Variants in GABRG3 observed in about 807,000 individuals in gnomAD.
GABRG3 encodes the protein gamma-aminobutyric acid receptor subunit gamma-3.
In GABRG3, 25 loss-of-function variants were observed where a neutral mutation model predicts 48.8. That is an observed-to-expected ratio of 0.51 (90% confidence interval 0.37 to 0.72). GABRG3 has a LOEUF of 0.72. Among genes scored for constraint, GABRG3 ranks in the 30% least tolerant of loss-of-function variants. The pLI, the probability that GABRG3 is intolerant of heterozygous loss-of-function variation, is 0.00. For synonymous variants in GABRG3, 227 were observed against 217.6 expected (o/e 1.04, Z -0.38); for missense variants, 394 against 577.9 (o/e 0.68, Z 3.26).
chr15:27,078,409 CACTT>C (rs1160017520), intron 3 of GABRG3, among the ~76,000 whole-genome samples: 2 of 152,272 alleles, frequency 1.3e-5, no homozygotes, highest in East Asian at 1.9e-4. Flanking sequence ...GGGTTTTGAT[CACTT>C]ACTTCTAACT....
intron 3 of GABRG3, among the ~76,000 whole-genome samples, chr15:27,081,666 C>T (rs1403259837): frequency 1.3e-5 from 2 of 152,110 alleles, no homozygotes; most frequent in Admixed American, 1.3e-4. Context: ...CTGGAGTAAA[C>T]ACTGAGTGGC....
At chr15:27,308,542 ATAAT>A (rs954436154) in intron 3 of GABRG3, among the ~76,000 whole-genome samples, 5 of 148,586 alleles carry the variant, frequency 3.4e-5, no homozygotes, top group East Asian at 2.1e-4. Flanking sequence ...ATAAACATAT[ATAAT>A]GTAAACATAC....
At chr15:27,504,311 A>G (rs1365391777) in intron 6 of GABRG3, among the ~76,000 whole-genome samples, 6 of 150,624 alleles carry the variant, frequency 4.0e-5, no homozygotes, top group Admixed American at 1.3e-4. Flanking sequence ...ACCTTCTTTC[A>G]TATTGATTGA....
chr15:27,334,399 A>G (rs1356462728), intron 5 of GABRG3, among the ~76,000 whole-genome samples: 1 of 152,206 alleles, frequency 6.6e-6, no homozygotes, highest in Non-Finnish European at 1.5e-5. Context: ...AAAATTATAT[A>G]TGCAAAATAA....
intron 3 of GABRG3, among the ~76,000 whole-genome samples, chr15:27,145,603 C>CTCTATCTATCTATCTATCTATTA (rs1898186444): frequency 9.8e-6 from 1 of 102,298 alleles, no homozygotes; most frequent in Non-Finnish European, 2.2e-5. Context: ...ATATATCTAT[C>CTCTATCTATCTATCTATCTATTA]TCTATCTATC....
chr15:27,089,685 G>A (rs529138339), intron 3 of GABRG3, among the ~76,000 whole-genome samples: 2 of 152,308 alleles, frequency 1.3e-5, no homozygotes, highest in Middle Eastern at 3.4e-3. Flanking sequence ...CAGGAAGGCT[G>A]TGGTCATGCG....
chr15:27,436,669 A>G (rs1245051946), intron 5 of GABRG3, among the ~76,000 whole-genome samples: 1 of 152,142 alleles, frequency 6.6e-6, no homozygotes, highest in Non-Finnish European at 1.5e-5. Context: ...TAATGTGACA[A>G]TTGTCCACAC....
chr15:27,029,993 A>C (rs771577600), intron 3 of GABRG3, among the ~76,000 whole-genome samples: 5 of 152,268 alleles, frequency 3.3e-5, no homozygotes, highest in Non-Finnish European at 7.3e-5. Flanking sequence ...AAGGGCTTAA[A>C]AATGAAACAC....
In GABRG3 at chr15:27,180,993, G is replaced by A. The variant is rs538896674; in HGVS notation, c.271-145816G>A. Among the ~76,000 whole-genome samples, 83 of 152,238 alleles carry A rather than the reference G, an allele frequency of 5.5e-4. No individual in the cohort carries two copies. The highest frequency in any genetic ancestry group is 1.9e-3 in the African/African-American group (78 of 41,556). The stretch of plus-strand genomic sequence containing the variant: ...ATTGTGCTGACTTCTTAGGAGGGCC[G>A]TAGTTCACAACTTCATGAGATGGCA... On this transcript the variant is annotated intron_variant, in intron 3 of 9. Coordinates refer to ENST00000615808, the MANE Select transcript of GABRG3 (RefSeq NM_033223.5). The surrounding 1 kb of genome is among the most constrained non-coding windows in gnomAD (Gnocchi z 4.2).
intron 2 of GABRG3, among the ~76,000 whole-genome samples, chr15:26,997,120 T>A (rs1394692589): frequency 6.6e-6 from 1 of 152,218 alleles, no homozygotes; most frequent in African/African-American, 2.4e-5. Context: ...TCCTGTGAAT[T>A]TTTCATTTTG....
chr15:27,443,429 C>T (rs1268097148), intron 5 of GABRG3, among the ~76,000 whole-genome samples: 4 of 152,116 alleles, frequency 2.6e-5, no homozygotes, highest in Non-Finnish European at 5.9e-5. Context: ...TAAAATTATC[C>T]ATAAAATTTT....
intron 3 of GABRG3, among the ~76,000 whole-genome samples, chr15:27,132,727 A>G (rs1309644520): frequency 2.6e-5 from 4 of 151,120 alleles, no homozygotes; most frequent in African/African-American, 7.3e-5. Flanking sequence ...GTAAAAATTT[A>G]TCAATTTTGT....
At position 27,054,055 on chromosome 15, in the gene GABRG3, C is replaced by G. The variant is rs540139091; in HGVS notation, c.270+27234C>G. ...GGTGGATCACCTGAGGTCAGGAGTT[C>G]GAGACCAGCCTGGCTAACCTGGTGA... On this transcript the variant is annotated intron_variant, in intron 3 of 9. Coordinates refer to ENST00000615808, the MANE Select transcript of GABRG3 (RefSeq NM_033223.5). 2.3e-3 allele frequency among the ~76,000 whole-genome samples: 344 copies of G among 152,054 alleles called. 2 individuals carry two copies. The highest frequency in any genetic ancestry group is 7.5e-3 in the African/African-American group (309 of 41,456).
intron 3 of GABRG3, among the ~76,000 whole-genome samples, chr15:27,072,453 G>A (rs9330237): frequency 0.22 from 33,751 of 151,906 alleles, 4,028 homozygotes; most frequent in East Asian, 0.43. Context: ...ACTCAAAATA[G>A]CTTCAGATAC....
At position 27,209,397 on chromosome 15, in the gene GABRG3, C is replaced by CT. The variant is rs561353536; in HGVS notation, c.271-117402dup. On this transcript the variant is annotated intron_variant, in intron 3 of 9. Coordinates refer to ENST00000615808, the MANE Select transcript of GABRG3 (RefSeq NM_033223.5). ...TTCTTTTCTTTTCTTTCTTTCTTTT[C>CT]TTTTTTTTTTGAGATGGACTCTTCT... is the stretch of plus-strand genomic sequence containing the variant. 7.6e-3 allele frequency among the ~76,000 whole-genome samples: 1,117 copies of CT among 146,578 alleles called. 14 individuals carry two copies. The highest frequency in any genetic ancestry group is 0.025 in the African/African-American group (1,005 of 39,962).
chr15:27,478,940 T>C (rs1482418157), intron 5 of GABRG3, among the ~76,000 whole-genome samples: 4 of 152,082 alleles, frequency 2.6e-5, no homozygotes, highest in Non-Finnish European at 2.9e-5. Context: ...ATGTCCAGAA[T>C]AGACCAAACT....
At chr15:27,313,745 C>T (rs1459461785) in intron 3 of GABRG3, among the ~76,000 whole-genome samples, 2 of 151,684 alleles carry the variant, frequency 1.3e-5, no homozygotes, top group Admixed American at 6.6e-5. Context: ...AAGAAGAAAT[C>T]AAAAAGTAAG....
Position 27,196,085 on chromosome 15 carries a change from C to G in GABRG3, c.271-130724C>G, listed in dbSNP as rs1446688922. Among the ~76,000 whole-genome samples, 9 of 152,182 alleles carry G rather than the reference C, an allele frequency of 5.9e-5. No homozygotes were observed. In the East Asian group the frequency reaches 1.7e-3, roughly 29 times the overall value. On this transcript the variant is annotated intron_variant, in intron 3 of 9. Transcript: ENST00000615808. ...CCACATGGCAGTGAATGCTCAGCAT[C>G]CCTTCAGCCCCACTGACACCACCCT...
chr15:27,072,754 G>A (rs560368435), intron 3 of GABRG3, among the ~76,000 whole-genome samples: 2 of 152,180 alleles, frequency 1.3e-5, no homozygotes, highest in Non-Finnish European at 2.9e-5. Context: ...AGGGGGGTTT[G>A]CCAGAGGCAC....
Sources: allele counts gnomAD v4.1 joint callset (sites outside exome capture counted in the v4.1 genomes callset), GRCh38; gene constraint gnomAD v4.1.1; non-coding constraint Gnocchi (gnomAD v3.1); transcripts MANE v1.5; gene names NCBI Gene and HGNC (gene_info 2026-07-23, HGNC 2026-07-21).